Variants in HMGA2 observed in about 807,000 individuals in gnomAD.
HMGA2 encodes high mobility group AT-hook 2.
HMGA2 carries 8 observed loss-of-function variants against 19.1 expected under a neutral mutation model. That is an observed-to-expected ratio of 0.42 (90% confidence interval 0.25 to 0.76). The LOEUF is 0.76. HMGA2 is among the 30% of genes least tolerant of loss of function. The pLI, the probability that HMGA2 is intolerant of heterozygous loss-of-function variation, is 0.28. For missense variants in HMGA2, 109 were observed against 136.3 expected (o/e 0.80, Z 1.00); for synonymous variants, 60 against 48.8 (o/e 1.23, Z -0.96).
intron 3 of HMGA2, among the ~76,000 whole-genome samples, chr12:65,936,543 T>C (rs1275380237): frequency 2.0e-5 from 3 of 152,176 alleles, no homozygotes; most frequent in Non-Finnish European, 4.4e-5. Flanking sequence ...ACATTGATAA[T>C]ACAGAGAGAC....
chr12:65,929,201 C>G (rs1875620735), intron 3 of HMGA2, among the ~76,000 whole-genome samples: 1 of 152,042 alleles, frequency 6.6e-6, no homozygotes, highest in Non-Finnish European at 1.5e-5. Context: ...GTTTGTCAAA[C>G]CATTTCTCTG....
At position 65,833,260 on chromosome 12, in the gene HMGA2, A is replaced by G. The variant is rs902788228; in HGVS notation, c.198+5173A>G. Among the ~76,000 whole-genome samples the G allele has an allele frequency of 2.6e-5, 4 of 152,124 alleles. No individual in the cohort carries two copies. In the East Asian group the frequency reaches 5.8e-4, roughly 22 times the overall value. ...GGATTGATTCGTAGAGTTGATTTTGATATCAGTGTACATTGATTTATACTG... is the reference window on the plus strand; with the variant it reads ...GGATTGATTCGTAGAGTTGATTTTGGTATCAGTGTACATTGATTTATACTG... On this transcript the variant is annotated intron_variant, in intron 2 of 4. Transcript: ENST00000403681.
intron 1 of HMGA2, chr12:65,827,137 G>C (rs1475155379): frequency 6.6e-6 from 1 of 152,182 alleles, no homozygotes; most frequent in Non-Finnish European, 1.5e-5. Flanking sequence ...ACTTGGCATA[G>C]GAGCCATTTA....
chr12:65,837,687 C>T (rs755164317), intron 2 of HMGA2, among the ~76,000 whole-genome samples: 8 of 152,128 alleles, frequency 5.3e-5, no homozygotes, highest in Admixed American at 1.3e-4. Flanking sequence ...AACGGAAAAA[C>T]TAATTGCTTT....
At chr12:65,881,346 C>T (rs1484264717) in intron 3 of HMGA2, 1 of 206,450 alleles carries the variant, frequency 4.8e-6, no homozygotes, top group African/African-American at 2.3e-5. Context: ...GTTTGTATCT[C>T]CAGAATGAAA....
chr12:65,827,324 C>T (rs1352842618), intron 1 of HMGA2, among the ~76,000 whole-genome samples: 1 of 152,140 alleles, frequency 6.6e-6, no homozygotes, highest in African/African-American at 2.4e-5. Context: ...AGACTGGAGG[C>T]CATGCCTGCA....
chr12:65,848,968 A>C (rs1871342547), intron 3 of HMGA2, among the ~76,000 whole-genome samples: 1 of 152,252 alleles, frequency 6.6e-6, no homozygotes. Flanking sequence ...CAGTGCAGGA[A>C]GCACTAAATC....
chr12:65,897,370 G>A (rs138663898), intron 3 of HMGA2, among the ~76,000 whole-genome samples: 1 of 152,174 alleles, frequency 6.6e-6, no homozygotes, highest in African/African-American at 2.4e-5. Flanking sequence ...CATATTAACG[G>A]CATTATTTTT....
chr12:65,851,647 G>T, intron 3 of HMGA2: 1 of 443,884 alleles, frequency 2.3e-6, no homozygotes, highest in South Asian at 1.6e-5. Context: ...GCAACAAAGC[G>T]AGACTCTGTC....
chr12:65,964,480 G>A lies in HMGA2; in HGVS notation c.*1188G>A, dbSNP rs182847557. The A allele has an allele frequency of 4.6e-6, 1 of 219,666 alleles. No individual in the cohort carries two copies. Among genetic ancestry groups the A allele is most frequent in the Non-Finnish European group, 9.1e-6 (1 of 109,336 alleles). The allele number at this position is 219,666 out of a possible 1,614,324, so 13.6% of individuals were successfully genotyped here. On this transcript the variant is annotated 3_prime_UTR_variant, in exon 5 of 5. Coordinates refer to ENST00000403681, the MANE Select transcript of HMGA2 (RefSeq NM_003483.6). ...TGACCAAGGTGCTTTTCTTCGGCTT[G>A]AGTTCACCATCTCTTCATTCAAACT...
At position 65,939,375 on chromosome 12, in the gene HMGA2, A is replaced by T. The variant is rs181115396; in HGVS notation, c.250-12008A>T. Among the ~76,000 whole-genome samples the T allele has an allele frequency of 1.1e-3, 170 of 151,622 alleles. 4 individuals carry two copies. The highest frequency in any genetic ancestry group is 0.01 in the Admixed American group (160 of 15,242). On this transcript the variant is annotated intron_variant, in intron 3 of 4. Transcript: ENST00000403681. ...TACAAGCTTTTTTTTTTTCTTTTTG[A>T]GACCGAGTCTCGCTCTGTCACCCAG...
chr12:65,866,945 C>T, intron 3 of HMGA2: 1 of 456,814 alleles, frequency 2.2e-6, no homozygotes, highest in Non-Finnish European at 4.4e-6. Flanking sequence ...TGTGCCTTCC[C>T]ATCTTGACAC....
At chr12:65,832,825 T>C (rs756738460) in intron 2 of HMGA2, among the ~76,000 whole-genome samples, 10 of 152,056 alleles carry the variant, frequency 6.6e-5, no homozygotes, top group Admixed American at 1.3e-4. Context: ...TCTAGGATCA[T>C]GTTTGCTCAG....
At chr12:65,860,314 T>G (rs1339779939) in intron 3 of HMGA2, among the ~76,000 whole-genome samples, 1 of 152,228 alleles carries the variant, frequency 6.6e-6, no homozygotes, top group African/African-American at 2.4e-5. Flanking sequence ...CTCATGTAAC[T>G]TACTGAATAC....
intron 3 of HMGA2, among the ~76,000 whole-genome samples, chr12:65,945,433 G>C (rs1592461978): frequency 6.6e-6 from 1 of 152,090 alleles, no homozygotes; most frequent in South Asian, 2.1e-4. Context: ...CCAGGTAAAT[G>C]TCAAATTCAA....
intron 3 of HMGA2, chr12:65,867,097 T>G (rs77424188): frequency 9.6e-4 from 352 of 365,384 alleles, no homozygotes; most frequent in African/African-American, 6.9e-3. Flanking sequence ...TGAGATAACT[T>G]AGCAGGGAGT....
intron 3 of HMGA2, among the ~76,000 whole-genome samples, chr12:65,846,668 T>G (rs1233160947): frequency 6.6e-6 from 1 of 152,214 alleles, no homozygotes; most frequent in East Asian, 1.9e-4. Flanking sequence ...GCTTGTCTCT[T>G]TCTTGGCTGG....
intron 4 of HMGA2, chr12:65,956,652 A>G (rs1476987523): frequency 6.6e-6 from 1 of 152,220 alleles, no homozygotes; most frequent in Non-Finnish European, 1.5e-5. Context: ...GGCAACTTAT[A>G]AAACTCCAAA....
At chr12:65,951,349 C>T in intron 3 of HMGA2, 34 bp from the exon 4 acceptor site, 1 of 1,395,392 alleles carries the variant, frequency 7.2e-7, no homozygotes, top group East Asian at 2.5e-5. Flanking sequence ...TGTATATTTT[C>T]TTTTAAAATA....
Sources: allele counts gnomAD v4.1 joint callset (sites outside exome capture counted in the v4.1 genomes callset), GRCh38; gene constraint gnomAD v4.1.1; transcripts MANE v1.5; gene names NCBI Gene and HGNC (gene_info 2026-07-23, HGNC 2026-07-21).